CCNK: variants seen among roughly 807,000 people sequenced by gnomAD.
CCNK encodes cyclin K, also known as cyclin-K.
CCNK carries 9 observed loss-of-function variants against 65.0 expected under a neutral mutation model. That is an observed-to-expected ratio of 0.14 (90% CI 0.08 to 0.24). The LOEUF (loss-of-function observed/expected upper bound fraction) is 0.24. Ranked by LOEUF, CCNK falls within the 10% of genes least tolerant of loss-of-function variation. The pLI is 1.00. For missense variants in CCNK, 474 were observed against 720.0 expected (o/e 0.66, Z 3.91); for synonymous variants, 279 against 270.8 (o/e 1.03, Z -0.30).
chr14:99,498,161 C>A (rs941513145), intron 4 of CCNK, among the ~76,000 whole-genome samples: 1 of 152,150 alleles, frequency 6.6e-6, no homozygotes, highest in African/African-American at 2.4e-5. Flanking sequence ...TTTGTGCCAT[C>A]CCAGGGTGCC....
At chr14:99,503,371 C>A (rs1194544337) in intron 8 of CCNK, 1 of 602,582 alleles carries the variant, frequency 1.7e-6, no homozygotes, top group African/African-American at 1.9e-5. Context: ...TTACTCAGAA[C>A]TCACCATTCA....
At chr14:99,506,868 C>A in intron 9 of CCNK, 2 of 541,306 alleles carry the variant, frequency 3.7e-6, no homozygotes, top group Non-Finnish European at 6.7e-6. Context: ...GGGAAGCTCG[C>A]AGGTCTTTTG....
At chr14:99,483,681 C>G (rs1896412679) in intron 1 of CCNK, among the ~76,000 whole-genome samples, 1 of 152,226 alleles carries the variant, frequency 6.6e-6, no homozygotes, top group Non-Finnish European at 1.5e-5. Context: ...GATTCTAATA[C>G]TGTGTGTAGA....
chr14:99,509,639 T>C (rs1018474122), intron 10 of CCNK: 1 of 166,894 alleles, frequency 6.0e-6, no homozygotes, highest in Non-Finnish European at 1.3e-5. Context: ...TTGAGTAGAA[T>C]AGAACCTGAA....
chr14:99,481,578 T>G, intron 1 of CCNK, 99 bp downstream of exon 1: 1 of 397,324 alleles, frequency 2.5e-6, no homozygotes, highest in Non-Finnish European at 4.4e-6. Flanking sequence ...TGGCGGAGTC[T>G]CTCTTTCCGG....
At chr14:99,484,460 T>A (rs1896433914) in intron 1 of CCNK, among the ~76,000 whole-genome samples, 1 of 152,228 alleles carries the variant, frequency 6.6e-6, no homozygotes, top group African/African-American at 2.4e-5. Flanking sequence ...AGAAAAATGG[T>A]TAGATTTGTT....
intron 1 of CCNK, among the ~76,000 whole-genome samples, chr14:99,484,217 T>C (rs1896426913): frequency 6.6e-6 from 1 of 152,250 alleles, no homozygotes; most frequent in Non-Finnish European, 1.5e-5. Context: ...TGCTGCTTGC[T>C]AGCTGTGAAT....
chr14:99,498,915 A>G (rs1481624976), intron 4 of CCNK, among the ~76,000 whole-genome samples: 2 of 152,204 alleles, frequency 1.3e-5, no homozygotes, highest in African/African-American at 4.8e-5. Flanking sequence ...ATCCTGTAAC[A>G]GTATGTGGGC....
At position 99,502,288 on chromosome 14, in the gene CCNK, A is replaced by G; in HGVS notation, c.657A>G (p.Lys219=). The change falls in exon 7 of 11, where the codon AAA becomes AAG. Residue 219 remains lysine, a synonymous_variant. Coordinates refer to ENST00000389879, the MANE Select transcript of CCNK (RefSeq NM_001099402.2). ...AVMYLAGRLC[K]FEIQEWTSKP... ...TGTATCTCGCAGGACGTTTGTGCAA[A>G]TTTGAAATACAAGAATGGACCTCCA... 1 of 1,612,268 alleles carries G rather than the reference A, an allele frequency of 6.2e-7. No homozygotes were observed. The highest frequency in any genetic ancestry group is 1.1e-5 in the South Asian group (1 of 90,454).
At chr14:99,502,428 C>A in intron 7 of CCNK, 52 bp downstream of exon 7, 1 of 1,587,650 alleles carries the variant, frequency 6.3e-7, no homozygotes, top group Middle Eastern at 1.7e-4. Context: ...TGAGATGATT[C>A]TTCCATGTGT....
intron 1 of CCNK, among the ~76,000 whole-genome samples, chr14:99,489,023 G>GA (rs1896547920): frequency 6.6e-6 from 1 of 151,444 alleles, no homozygotes; most frequent in Non-Finnish European, 1.5e-5. Flanking sequence ...AGACTGGAAA[G>GA]AAACCTGCTT....
chr14:99,507,789 G>C (rs1234822934), intron 10 of CCNK: 1 of 152,922 alleles, frequency 6.5e-6, no homozygotes, highest in Non-Finnish European at 1.5e-5. Context: ...TGTCGTCTTA[G>C]TGCATTCTGA....
At chr14:99,503,112 G>T in intron 8 of CCNK, 128 bp downstream of exon 8, 6 of 1,075,612 alleles carry the variant, frequency 5.6e-6, no homozygotes, top group Non-Finnish European at 8.6e-6. Context: ...GAAACTCGCA[G>T]TCCGACTGCT....
intron 7 of CCNK, 169 bp downstream of exon 7, chr14:99,502,545 A>C: frequency 7.8e-7 from 1 of 1,289,974 alleles, no homozygotes; most frequent in East Asian, 2.5e-5. Flanking sequence ...CCAAACACAT[A>C]CTTTTGGTAA....
intron 1 of CCNK, among the ~76,000 whole-genome samples, chr14:99,482,296 A>G (rs1392384380): frequency 1.3e-5 from 2 of 152,276 alleles, no homozygotes; most frequent in African/African-American, 4.8e-5. Context: ...CGCTGTTTAC[A>G]GATACCTAGC....
intron 6 of CCNK, 31 bp downstream of exon 6, chr14:99,501,444 GTA>G (rs1185242060): frequency 1.4e-6 from 2 of 1,412,390 alleles, no homozygotes; most frequent in Non-Finnish European, 2.0e-6. Context: ...ATTAATTACA[GTA>G]TTTTAAAATA....
rs1897098211 is a variant in CCNK at position 99,510,416 on chromosome 14, T to C, written c.1377T>C (p.Gly459=). ...TGAAGACCGAGGGACCCTCCTACGG[T>C]GCCCTGCCCCCCGCCTACGGCCCAC... ...SMMKTEGPSY[G]ALPPAYGPPA... Residue 459 remains glycine (G), a synonymous_variant, in exon 11 of 11, where the codon GGT becomes GGC. Transcript: ENST00000389879. 3.9e-6 allele frequency: 6 copies of C among 1,550,656 alleles called. No homozygotes were observed. Among genetic ancestry groups the C allele is most frequent in the South Asian group, 2.4e-5 (2 of 84,136 alleles).
intron 1 of CCNK, chr14:99,492,423 T>G (rs1239421358): frequency 1.8e-5 from 7 of 390,630 alleles, no homozygotes; most frequent in African/African-American, 6.3e-5. Flanking sequence ...TACCATGAAA[T>G]TTGAGATTTA....
At chr14:99,500,680 T>A (rs1896802688) in intron 4 of CCNK, 86 bp from the exon 5 acceptor site, 1 of 871,980 alleles carries the variant, frequency 1.1e-6, no homozygotes, top group Non-Finnish European at 1.9e-6. Flanking sequence ...GAAGAGAGAA[T>A]AAATAGACAG....
Sources: allele counts gnomAD v4.1 joint callset (sites outside exome capture counted in the v4.1 genomes callset), GRCh38; gene constraint gnomAD v4.1.1; transcripts MANE v1.5; gene names NCBI Gene and HGNC (gene_info 2026-07-23, HGNC 2026-07-21).